Variants in ZNF704 observed in about 807,000 individuals in gnomAD.
ZNF704 encodes glucocorticoid induced gene 1.
A neutral mutation model predicts 44.7 loss-of-function variants in ZNF704; 10 were observed. The observed-to-expected ratio is 0.22, with a 90% CI of 0.14 to 0.38. The LOEUF (loss-of-function observed/expected upper bound fraction) is 0.38. Ranked by LOEUF, ZNF704 falls within the 10% of genes least tolerant of loss-of-function variation. The probability of loss-of-function intolerance (pLI) is 1.00; values close to 1 mark genes in which losing one functional copy is unlikely to be tolerated. For synonymous variants in ZNF704, 211 were observed against 207.6 expected (o/e 1.02, Z -0.14); for missense variants, 390 against 545.5 (o/e 0.71, Z 2.84).
chr8:80,816,175 C>T (rs1808174218), intron 2 of ZNF704, among the ~76,000 whole-genome samples: 1 of 152,204 alleles, frequency 6.6e-6, no homozygotes, highest in Non-Finnish European at 1.5e-5. Context: ...GTGGTGGCTT[C>T]CTGATTGGTC....
chr8:80,883,245 CAAAAAAAAAA>C, the ZNF704 span, among the ~76,000 whole-genome samples: 1 of 83,432 alleles, frequency 1.2e-5, no homozygotes, highest in African/African-American at 4.5e-5. Flanking sequence ...GACACCCTCT[CAAAAAAAAAA>C]AAAAAAAAAA....
At chr8:80,761,139 T>A (rs1344404773) in intron 2 of ZNF704, among the ~76,000 whole-genome samples, 1 of 152,110 alleles carries the variant, frequency 6.6e-6, no homozygotes, top group Non-Finnish European at 1.5e-5. Context: ...CTCTTGCCCT[T>A]CCACTCTTCC....
At chr8:80,821,336 C>T (rs1219541603) in intron 2 of ZNF704, 38 bp downstream of exon 2, 1 of 1,595,882 alleles carries the variant, frequency 6.3e-7, no homozygotes, top group Non-Finnish European at 8.6e-7. Flanking sequence ...CCACCAACTT[C>T]CTGGGGCAGA....
intron 2 of ZNF704, among the ~76,000 whole-genome samples, chr8:80,755,147 A>G (rs891848369): frequency 2.6e-5 from 4 of 152,156 alleles, no homozygotes; most frequent in African/African-American, 9.7e-5. Flanking sequence ...GATCTATTGA[A>G]ACCCAAAGCA....
chr8:80,878,533 AG>A (rs1809389182), upstream of ZNF704, among the ~76,000 whole-genome samples: 1 of 152,232 alleles, frequency 6.6e-6, no homozygotes, highest in African/African-American at 2.4e-5. Context: ...TAAAAGTAAA[AG>A]TAAAATTTTG....
intron 2 of ZNF704, among the ~76,000 whole-genome samples, chr8:80,746,464 C>T (rs948208961): frequency 6.6e-6 from 1 of 152,174 alleles, no homozygotes; most frequent in African/African-American, 2.4e-5. Flanking sequence ...GGATATTGTA[C>T]TGAATGTGAT....
intron 2 of ZNF704, among the ~76,000 whole-genome samples, chr8:80,721,328 G>T (rs1746795327): frequency 6.6e-6 from 1 of 152,188 alleles, no homozygotes. Flanking sequence ...GAAAAATGCA[G>T]ATGTTCATGG....
At chr8:80,643,757 CCTGT>C (rs1302663255) in intron 7 of ZNF704, among the ~76,000 whole-genome samples, 1 of 152,112 alleles carries the variant, frequency 6.6e-6, no homozygotes, top group Non-Finnish European at 1.5e-5. Context: ...AAAGTACATT[CCTGT>C]CTATTTCTTT....
At chr8:80,697,549 C>T (rs1055147068) in intron 2 of ZNF704, among the ~76,000 whole-genome samples, 2 of 152,178 alleles carry the variant, frequency 1.3e-5, no homozygotes, top group African/African-American at 4.8e-5. Flanking sequence ...GTTTAGGCTC[C>T]AGAATGAGTT....
chr8:80,696,771 T>A (rs1380245192), intron 2 of ZNF704, among the ~76,000 whole-genome samples: 4 of 152,238 alleles, frequency 2.6e-5, no homozygotes, highest in Non-Finnish European at 5.9e-5. Flanking sequence ...ATATTGGGGA[T>A]GGGACGCAAG....
At chr8:80,700,117 T>C (rs1404197263) in intron 2 of ZNF704, among the ~76,000 whole-genome samples, 1 of 152,156 alleles carries the variant, frequency 6.6e-6, no homozygotes, top group Non-Finnish European at 1.5e-5. Context: ...GCATTGACCT[T>C]CCTGTCAGGA....
chr8:80,855,078 T>C (rs1384176112), intron 1 of ZNF704, among the ~76,000 whole-genome samples: 1 of 152,208 alleles, frequency 6.6e-6, no homozygotes, highest in East Asian at 1.9e-4. Context: ...TGTTTGACTA[T>C]TTCCTCACTA....
upstream of ZNF704, among the ~76,000 whole-genome samples, chr8:80,879,418 T>C (rs983739241): frequency 6.6e-6 from 1 of 151,974 alleles, no homozygotes; most frequent in Non-Finnish European, 1.5e-5. Flanking sequence ...TGGGGGTTTA[T>C]TTGTTTGTAT....
intron 2 of ZNF704, among the ~76,000 whole-genome samples, chr8:80,796,804 TG>T (rs979319921): frequency 6.8e-6 from 1 of 147,092 alleles, no homozygotes; most frequent in African/African-American, 2.5e-5. Context: ...GAGATCAGCC[TG>T]GATGAACACT....
intron 1 of ZNF704, among the ~76,000 whole-genome samples, chr8:80,833,489 T>C (rs1412644492): frequency 6.6e-6 from 1 of 152,246 alleles, no homozygotes; most frequent in African/African-American, 2.4e-5. Context: ...TCAAATTTCA[T>C]GCTAGGTACA....
At chr8:80,783,887 C>T (rs1469777008) in intron 2 of ZNF704, among the ~76,000 whole-genome samples, 1 of 152,132 alleles carries the variant, frequency 6.6e-6, no homozygotes, top group Non-Finnish European at 1.5e-5. Flanking sequence ...CTACTCATCC[C>T]TCCCTTCCTC....
At chr8:80,806,825 T>C (rs528313185) in intron 2 of ZNF704, among the ~76,000 whole-genome samples, 1 of 152,306 alleles carries the variant, frequency 6.6e-6, no homozygotes, top group African/African-American at 2.4e-5. Flanking sequence ...GCATCCTTCA[T>C]GGCAAAGGCC....
At chr8:80,758,262 A>T (rs1356443485) in intron 2 of ZNF704, among the ~76,000 whole-genome samples, 2 of 152,234 alleles carry the variant, frequency 1.3e-5, no homozygotes, top group African/African-American at 4.8e-5. Flanking sequence ...GAGGTGCATT[A>T]AAAGCTGGCT....
Position 80,630,128 on chromosome 8 carries a change from GA to G in ZNF704, c.*11237del, listed in dbSNP as rs1248113668. The G allele has an allele frequency of 2.0e-5, 3 of 152,138 alleles. No individual in the cohort carries two copies. The highest frequency in any genetic ancestry group is 4.4e-5 in the Non-Finnish European group (3 of 68,020). 9.4% of individuals were successfully genotyped at this position (152,138 alleles called of 1,614,324 possible). On this transcript the variant is annotated 3_prime_UTR_variant, in exon 9 of 9. Transcript: ENST00000327835. ...ATTTGCAGTTGTGGTAGGTAGCTAT[GA>G]AAAAAATTTACTTGGATTCGATACA...
Sources: gnomAD v4.1 joint callset for allele counts (sites outside exome capture counted in the v4.1 genomes callset) on GRCh38, gnomAD v4.1.1 for gene constraint, MANE v1.5 for transcripts, NCBI Gene and HGNC (gene_info 2026-07-23, HGNC 2026-07-21) for gene names.